TMPRSS9: variants seen among roughly 807,000 people sequenced by gnomAD.
The protein encoded by TMPRSS9 is transmembrane serine protease 9.
TMPRSS9 carries 113 observed loss-of-function variants against 111.4 expected under a neutral mutation model. The ratio of observed to expected loss-of-function variants is 1.01; its 90% CI spans 0.87 to 1.19. The LOEUF (loss-of-function observed/expected upper bound fraction) is 1.19, where lower values mean the gene tolerates loss of function less well. Ranked by LOEUF, TMPRSS9 falls within the 50% of genes most tolerant of loss-of-function variation. The pLI, the probability that TMPRSS9 is intolerant of heterozygous loss-of-function variation, is 0.00. For synonymous variants in TMPRSS9, 805 were observed against 659.1 expected, an observed-to-expected ratio of 1.22 and a Z score of -3.39; for missense variants, 1,803 against 1,513.1, an observed-to-expected ratio of 1.19 and a Z score of -3.18.
intron 1 of TMPRSS9, among the ~76,000 whole-genome samples, chr19:2,375,013 GACTC>G (rs1192961406): frequency 6.6e-6 from 1 of 152,180 alleles, no homozygotes; most frequent in East Asian, 1.9e-4. Context: ...GGCTGCGCCT[GACTC>G]ACTCTGGTGT....
chr19:2,368,795 TTTTTTTA>T lies in TMPRSS9; in HGVS notation c.-26+8436_-26+8442del, dbSNP rs1166966980. On this transcript the variant is annotated intron_variant, in intron 1 of 17. Transcript: ENST00000649857. The stretch of plus-strand genomic sequence containing the variant: ...CCCAGTTTTTTTTTTTTTTTTTTTT[TTTTTTTA>T]AAGACAGAGTCTCACTCTGTCGCCC... Among the ~76,000 whole-genome samples the T allele has an allele frequency of 1.7e-3, 208 of 121,558 alleles. 15 individuals carry two copies. Among genetic ancestry groups the T allele is most frequent in the African/African-American group, 7.0e-3 (188 of 26,766 alleles). 79.7% of individuals were successfully genotyped at this position (121,558 alleles called of 152,430 possible).
chr19:2,382,673 GCACACATA>G (rs1393828591), intron 1 of TMPRSS9, among the ~76,000 whole-genome samples: 4 of 125,200 alleles, frequency 3.2e-5, no homozygotes, highest in Non-Finnish European at 5.1e-5. Context: ...ATGCACACGT[GCACACATA>G]CACACATGCA....
At chr19:2,383,652 T>TTTTTTTTTTTTTTTTTTTTTGAGACGGAG (rs1970414654) in intron 1 of TMPRSS9, among the ~76,000 whole-genome samples, 1 of 147,828 alleles carries the variant, frequency 6.8e-6, no homozygotes, top group African/African-American at 2.5e-5. Flanking sequence ...AAGAAATTTT[T>TTTTTTTTTTTTTTTTTTTTTGAGACGGAG]TAACTTAGCT....
intron 13 of TMPRSS9, 61 bp downstream of exon 14, chr19:2,418,199 C>T: frequency 1.3e-6 from 2 of 1,524,148 alleles, no homozygotes; most frequent in South Asian, 1.2e-5. Flanking sequence ...GCCGTTCACC[C>T]AGCAGTTCTT....
At chr19:2,425,054 G>C in exon 16 of TMPRSS9, 2 of 1,563,740 alleles carry the variant, frequency 1.3e-6, no homozygotes, top group South Asian at 2.3e-5. Flanking sequence ...GTTCCTGAGC[G>C]GCGCGGAGGG....
Position 2,418,167 on chromosome 19 carries a change from A to G in TMPRSS9, c.2154+29A>G, listed in dbSNP as rs373990058. On this transcript the variant is annotated intron_variant, in intron 13 of 17. Coordinates refer to ENST00000648592, the Ensembl canonical transcript of TMPRSS9. ...AGCATTCAAAGGGGGAAAGCGGGCA[A>G]TATTTCCATGAAATGCCCACAGCCG... 8.3e-6 allele frequency: 13 copies of G among 1,572,260 alleles called. No individual in the cohort carries two copies. The African/African-American group carries it at 9.7e-5, about 12-fold the overall frequency.
intron 10 of TMPRSS9, 150 bp downstream of exon 11, chr19:2,414,168 T>C: frequency 1.3e-6 from 1 of 779,964 alleles, no homozygotes; most frequent in South Asian, 2.0e-5. Flanking sequence ...TTACGTTGCG[T>C]GTACCCTCAT....
chr19:2,421,796 A>C (rs1971467132), intron 13 of TMPRSS9, 58 bp from the exon 15 acceptor site: 2 of 1,518,724 alleles, frequency 1.3e-6, no homozygotes, highest in Non-Finnish European at 1.8e-6. Context: ...AGGGTATGGC[A>C]GTGCTGGGAA....
chr19:2,414,576 C>T (rs1326690342), intron 10 of TMPRSS9, among the ~76,000 whole-genome samples: 2 of 147,226 alleles, frequency 1.4e-5, no homozygotes, highest in African/African-American at 5.2e-5. Flanking sequence ...AGTTTGTACC[C>T]AGACAACTTG....
exon 18 of TMPRSS9, chr19:2,426,134 GAGC>G (rs746376969): frequency 3.3e-6 from 5 of 1,500,592 alleles, no homozygotes; most frequent in South Asian, 1.2e-5. Context: ...AAAGCAACAG[GAGC>G]AGCAGGCCAC....
intron 11 of TMPRSS9, 47 bp from the exon 13 acceptor site, chr19:2,416,491 G>GGGCATGTGCTGGAGGGCA: frequency 6.4e-7 from 1 of 1,567,944 alleles, no homozygotes. Flanking sequence ...CCAAGAAGGC[G>GGGCATGTGCTGGAGGGCA]GGCATGTGCT....
intron 1 of TMPRSS9, among the ~76,000 whole-genome samples, chr19:2,378,588 C>T (rs1307838194): frequency 6.6e-6 from 1 of 152,094 alleles, no homozygotes; most frequent in African/African-American, 2.4e-5. Flanking sequence ...CATGGTGGTG[C>T]ACACCTGTAG....
chr19:2,381,294 C>A (rs1970382853), intron 1 of TMPRSS9, among the ~76,000 whole-genome samples: 1 of 151,948 alleles, frequency 6.6e-6, no homozygotes, highest in Non-Finnish European at 1.5e-5. Flanking sequence ...ACACAGGAAT[C>A]CTTAGAAAAC....
intron 1 of TMPRSS9, among the ~76,000 whole-genome samples, chr19:2,379,842 G>A (rs946431305): frequency 6.7e-5 from 10 of 149,072 alleles, no homozygotes; most frequent in Admixed American, 1.4e-4. Context: ...CTGTAGTCTC[G>A]ACCTCCTTGG....
intron 9 of TMPRSS9, among the ~76,000 whole-genome samples, chr19:2,412,175 C>T (rs1021827303): frequency 2.0e-5 from 3 of 152,090 alleles, no homozygotes; most frequent in Admixed American, 1.3e-4. Context: ...AGCCAGGTCG[C>T]TTGAGGCCAG....
At chr19:2,406,000 T>C (rs1451719723) in intron 7 of TMPRSS9, among the ~76,000 whole-genome samples, 3 of 145,020 alleles carry the variant, frequency 2.1e-5, no homozygotes, top group African/African-American at 7.7e-5. Flanking sequence ...CCGGCCTCTT[T>C]TCTTTCTTTC....
chr19:2,404,171 AAAAT>A (rs1970918781), intron 6 of TMPRSS9, among the ~76,000 whole-genome samples: 2 of 152,126 alleles, frequency 1.3e-5, no homozygotes. Flanking sequence ...CCTTGTCTCA[AAAAT>A]AAATAAAATG....
At position 2,425,508 on chromosome 19, in the gene TMPRSS9, G is replaced by T. The variant is rs376891421; in HGVS notation, c.3120+15G>T. ...ACAGCTGCTCGGTGAGCCCCGCCCCGGCCCAGGGGACCAGGTCCCGCCCAG... is the reference window on the plus strand; with the variant it reads ...ACAGCTGCTCGGTGAGCCCCGCCCCTGCCCAGGGGACCAGGTCCCGCCCAG... On this transcript the variant is annotated intron_variant, in intron 17 of 17. Transcript: ENST00000648592. 1.3e-5 allele frequency: 21 copies of T among 1,555,988 alleles called. No individual in the cohort carries two copies. Among genetic ancestry groups the T allele is most frequent in the Non-Finnish European group, 1.7e-5 (20 of 1,158,984 alleles).
At chr19:2,391,584 GTATC>G (rs1341167119) in intron 1 of TMPRSS9, among the ~76,000 whole-genome samples, 9 of 129,822 alleles carry the variant, frequency 6.9e-5, no homozygotes, top group African/African-American at 2.4e-4. Context: ...GTCTGCGTGT[GTATC>G]TATGTGTGCA....
Sources: allele counts gnomAD v4.1 joint callset (sites outside exome capture counted in the v4.1 genomes callset), GRCh38; gene constraint gnomAD v4.1.1; transcripts MANE v1.5; gene names NCBI Gene and HGNC (gene_info 2026-07-23, HGNC 2026-07-21).